Variants in SLC39A8 observed in about 807,000 individuals in gnomAD.
SLC39A8 encodes solute carrier family 39 member 8.
A neutral mutation model predicts 40.4 loss-of-function variants in SLC39A8; 15 were observed. That is an observed-to-expected ratio of 0.37 (90% CI 0.25 to 0.57). SLC39A8 has a LOEUF of 0.57. Ranked by LOEUF, SLC39A8 falls within the 20% of genes least tolerant of loss-of-function variation. The pLI is 0.75. For missense variants in SLC39A8, 472 were observed against 558.8 expected (o/e 0.84, Z 1.57); for synonymous variants, 223 against 221.6 (o/e 1.01, Z -0.06).
chr4:102,326,465 G>A (rs1296602139), intron 2 of SLC39A8, among the ~76,000 whole-genome samples: 1 of 152,192 alleles, frequency 6.6e-6, no homozygotes, highest in Non-Finnish European at 1.5e-5. Context: ...GGAGGCTGAG[G>A]TCTGAGAATG....
intron 3 of SLC39A8, among the ~76,000 whole-genome samples, chr4:102,309,771 A>C (rs898384345): frequency 6.6e-6 from 1 of 152,124 alleles, no homozygotes; most frequent in African/African-American, 2.4e-5. Context: ...CACTACCTAC[A>C]TAAATAACAG....
chr4:102,304,186 G>A, intron 6 of SLC39A8, 131 bp downstream of exon 6: 2 of 595,822 alleles, frequency 3.4e-6, no homozygotes, highest in South Asian at 5.6e-5. Context: ...TTACATTCCA[G>A]TTACCCCACA....
At chr4:102,330,388 A>G (rs1735397662) in intron 2 of SLC39A8, among the ~76,000 whole-genome samples, 1 of 152,220 alleles carries the variant, frequency 6.6e-6, no homozygotes, top group Non-Finnish European at 1.5e-5. Flanking sequence ...AGAATACTAT[A>G]AACACCTCAA....
chr4:102,325,094 T>C (rs1560564721), intron 2 of SLC39A8, among the ~76,000 whole-genome samples: 1 of 152,064 alleles, frequency 6.6e-6, no homozygotes, highest in Non-Finnish European at 1.5e-5. Context: ...CATATATATA[T>C]GTATACATAT....
chr4:102,309,973 C>A (rs1734353341), intron 3 of SLC39A8, among the ~76,000 whole-genome samples: 1 of 152,014 alleles, frequency 6.6e-6, no homozygotes, highest in African/African-American at 2.4e-5. Flanking sequence ...AGTTATCGAT[C>A]TGGTGCCCCT....
chr4:102,284,478 A>G (rs927075739), intron 6 of SLC39A8, among the ~76,000 whole-genome samples: 1 of 152,204 alleles, frequency 6.6e-6, no homozygotes, highest in Non-Finnish European at 1.5e-5. Context: ...TTGGCAGGTG[A>G]TCACTGAATA....
At chr4:102,334,837 T>C (rs1735602719) in intron 2 of SLC39A8, among the ~76,000 whole-genome samples, 2 of 152,218 alleles carry the variant, frequency 1.3e-5, no homozygotes, top group East Asian at 1.9e-4. Flanking sequence ...AGTGAGTTAC[T>C]TAACCTACCT....
intron 2 of SLC39A8, among the ~76,000 whole-genome samples, chr4:102,337,233 CAAA>C (rs34502649): frequency 5.5e-5 from 6 of 110,012 alleles, no homozygotes; most frequent in Non-Finnish European, 4.0e-5. Context: ...TCACTTTTCT[CAAA>C]AAAAAAAAAA....
intron 6 of SLC39A8, among the ~76,000 whole-genome samples, chr4:102,299,265 C>T (rs1447819999): frequency 4.0e-5 from 6 of 150,358 alleles, no homozygotes; most frequent in Non-Finnish European, 8.9e-5. Flanking sequence ...TATGTACACA[C>T]AGAACTTCCA....
At chr4:102,263,973 C>T (rs1731977148) in intron 8 of SLC39A8, among the ~76,000 whole-genome samples, 1 of 152,174 alleles carries the variant, frequency 6.6e-6, no homozygotes, top group Non-Finnish European at 1.5e-5. Flanking sequence ...CAGTTACTTC[C>T]TTCCCTGAAG....
chr4:102,315,937 T>C (rs1734636965), intron 2 of SLC39A8, 107 bp from the exon 3 acceptor site: 3 of 884,594 alleles, frequency 3.4e-6, no homozygotes, highest in Non-Finnish European at 4.7e-6. Flanking sequence ...CACAGCACTC[T>C]TTATACAAAA....
chr4:102,271,053 TAAGGAGGATGAG>T (rs995024262), intron 6 of SLC39A8, among the ~76,000 whole-genome samples: 2 of 150,004 alleles, frequency 1.3e-5, no homozygotes, highest in African/African-American at 2.5e-5. Flanking sequence ...AAGACAAGTA[TAAGGAGGATGAG>T]AAGGAGGATG....
rs942953369 is a variant in SLC39A8 at position 102,305,314 on chromosome 4, A to T, written c.553-203T>A. On this transcript the variant is annotated intron_variant, in intron 4 of 8. Transcript: ENST00000356736. ...CTGTATGAGATGGCACAAAAACCTT[A>T]CAACTAGAAGTCTCATTAAATAAAG... Among the ~76,000 whole-genome samples, 6 of 151,970 alleles carry T rather than the reference A, an allele frequency of 3.9e-5. 1 individual carries two copies. The highest frequency in any genetic ancestry group is 1.4e-4 in the African/African-American group (6 of 41,438).
rs944628215 is a variant in SLC39A8 at position 102,316,696 on chromosome 4, T to C, written c.220-866A>G. ...AATAAACGTAATTTAGGCAAGTTAT[T>C]TGCATGCTTCAGCCAATGCTTAAAC... On this transcript the variant is annotated intron_variant, in intron 2 of 8. Coordinates refer to ENST00000356736, the MANE Select transcript of SLC39A8 (RefSeq NM_001135146.2). Among the ~76,000 whole-genome samples, 4 of 152,158 alleles carry C rather than the reference T, an allele frequency of 2.6e-5. No individual in the cohort carries two copies. The East Asian group carries it at 5.8e-4, about 22-fold the overall frequency.
At chr4:102,277,067 G>A (rs1353645315) in intron 6 of SLC39A8, among the ~76,000 whole-genome samples, 1 of 152,132 alleles carries the variant, frequency 6.6e-6, no homozygotes, top group Non-Finnish European at 1.5e-5. Flanking sequence ...CAGTCCCTTT[G>A]AAAACCAGCA....
At position 102,344,551 on chromosome 4, in the gene SLC39A8, C is replaced by G. The variant is rs778210210; in HGVS notation, c.112G>C (p.Gly38Arg). 3.4e-5 allele frequency: 53 copies of G among 1,555,358 alleles called. No homozygotes were observed. Among genetic ancestry groups the G allele is most frequent in the Non-Finnish European group, 4.3e-5 (50 of 1,149,676 alleles). The change falls in exon 2 of 9, where the codon GGC becomes CGC. Residue 38 changes from glycine (G) to arginine (R), a missense_variant. Transcript: ENST00000356736. ...GCCGCCGACAGGCTCAGATTCGCGCCGAACACGCTCAGCACATCCTCGCTG... is the reference window on the plus strand; with the variant it reads ...GCCGCCGACAGGCTCAGATTCGCGCGGAACACGCTCAGCACATCCTCGCTG... ...AFSEDVLSVF[G>R]ANLSLSAAQL...
At chr4:102,290,554 C>T (rs1365450823) in intron 6 of SLC39A8, among the ~76,000 whole-genome samples, 1 of 152,104 alleles carries the variant, frequency 6.6e-6, no homozygotes, top group African/African-American at 2.4e-5. Flanking sequence ...TACTGTTCTC[C>T]TTGTCTACAA....
At chr4:102,267,777 A>C in intron 7 of SLC39A8, 95 bp downstream of exon 7, 1 of 1,544,388 alleles carries the variant, frequency 6.5e-7, no homozygotes, top group Non-Finnish European at 8.8e-7. Flanking sequence ...ATTTTAGTGC[A>C]TCAGAAGGAT....
intron 6 of SLC39A8, among the ~76,000 whole-genome samples, chr4:102,302,511 T>C (rs962346853): frequency 6.6e-6 from 1 of 152,072 alleles, no homozygotes; most frequent in Non-Finnish European, 1.5e-5. Context: ...GAAAGCAATA[T>C]CCTTGGGTCA....
Sources: allele counts gnomAD v4.1 joint callset (sites outside exome capture counted in the v4.1 genomes callset), GRCh38; gene constraint gnomAD v4.1.1; transcripts MANE v1.5; gene names NCBI Gene and HGNC (gene_info 2026-07-23, HGNC 2026-07-21).